The following SLA2 variants were observed in gnomAD, a reference collection of about 807,000 sequenced individuals.
The protein encoded by SLA2 is Src like adaptor 2.
In SLA2, 22 loss-of-function variants were observed where a neutral mutation model predicts 27.3. The ratio of observed to expected loss-of-function variants is 0.81; its 90% CI spans 0.58 to 1.15. SLA2 has a LOEUF of 1.15. Ranked by LOEUF, SLA2 falls within the 50% of genes most tolerant of loss-of-function variation. The pLI, the probability that SLA2 is intolerant of heterozygous loss-of-function variation, is 0.00. For missense variants in SLA2, 304 were observed against 322.2 expected (o/e 0.94, Z 0.43); for synonymous variants, 131 against 137.8 (o/e 0.95, Z 0.34).
In SLA2 at chr20:36,632,611, C is replaced by G; in HGVS notation, c.366G>C (p.Glu122Asp). The G allele has an allele frequency of 1.9e-6, 3 of 1,614,112 alleles. No individual in the cohort carries two copies. Among genetic ancestry groups the G allele is most frequent in the Non-Finnish European group, 2.5e-6 (3 of 1,179,940 alleles). ...GNPGGAFLIRESQTRRGSYSL... is the reference protein window; with the variant it reads ...GNPGGAFLIRDSQTRRGSYSL... Reference sequence around the variant, plus strand: ...CTTACTCACCTCTCCTGGTCTGGCTCTCCCGGATGAGGAAGGCCCCTCCAG... The same window carrying G: ...CTTACTCACCTCTCCTGGTCTGGCTGTCCCGGATGAGGAAGGCCCCTCCAG... Residue 122 changes from glutamate to aspartate, a missense_variant, in exon 5 of 8, where the codon GAG becomes GAC. Glu to Asp is a conservative substitution (Grantham distance 45, BLOSUM62 2). Transcript: ENST00000262866.
rs765890083 is a variant in SLA2 at position 36,615,259 on chromosome 20, G to A, written c.498C>T (p.Phe166=). The A allele has an allele frequency of 2.5e-6, 4 of 1,614,062 alleles. No individual in the cohort carries two copies. In the African/African-American group the frequency reaches 4.0e-5, roughly 16 times the overall value. Residue 166 remains phenylalanine (F), a synonymous_variant, in exon 6 of 8, where the codon TTC becomes TTT. Transcript: ENST00000262866. ...GWLYISPRLT[F]PSLQALVDHY... ...GGTCCACCAGGGCCTGGAGTGAGGG[G>A]AAGGTGAGGCGCGGTGAGATGTACA...
In SLA2 at chr20:36,633,569, G is replaced by C; in HGVS notation, c.252C>G (p.Ser84Arg). 1 of 1,614,128 alleles carries C rather than the reference G, an allele frequency of 6.2e-7. No individual in the cohort carries two copies. ...CATGGGAGACTTTGGCCACGTGGAC[G>C]CTGGGGATGTTATACTCTCTGCCTG... ...EVSGREYNIP[S>R]VHVAKVSHGW... is the part of the protein sequence containing the mutation. The change falls in exon 4 of 8, where the codon AGC (serine) becomes AGG (arginine). Residue 84 changes from serine to arginine, a missense_variant. By Grantham distance (110) the Ser-to-Arg change is moderately radical. Coordinates refer to ENST00000262866, the MANE Select transcript of SLA2 (RefSeq NM_032214.4).
intron 2 of SLA2, among the ~76,000 whole-genome samples, chr20:36,639,396 TACACACACACAC>T (rs72401143): frequency 6.8e-6 from 1 of 146,742 alleles, no homozygotes; most frequent in South Asian, 2.2e-4. Context: ...AAAAAATCTC[TACACACACACAC>T]ACACACACAC....
chr20:36,621,158 G>A (rs979077226), intron 5 of SLA2: 3 of 440,640 alleles, frequency 6.8e-6, no homozygotes, highest in Admixed American at 2.4e-5. Context: ...TGCTGTGGTG[G>A]TGGAGCAAGA....
intron 5 of SLA2, among the ~76,000 whole-genome samples, chr20:36,626,664 G>A (rs987829653): frequency 6.6e-6 from 1 of 151,646 alleles, no homozygotes; most frequent in Admixed American, 6.6e-5. Flanking sequence ...TGGCTAACAT[G>A]GTGAAACCCC....
Position 36,641,345 on chromosome 20 carries a change from G to A in SLA2, c.-10C>T, listed in dbSNP as rs1299205012. On this transcript the variant is annotated 5_prime_UTR_variant, in exon 2 of 8. Coordinates refer to ENST00000262866, the MANE Select transcript of SLA2 (RefSeq NM_032214.4). ...TGGGCAGACTTCCCATTGTTCCTCA[G>A]CAGAGCACTCAGAAGCACATCATCG... The A allele has an allele frequency of 1.2e-6, 2 of 1,612,138 alleles. No individual in the cohort carries two copies. Among genetic ancestry groups the A allele is most frequent in the Admixed American group, 3.3e-5 (2 of 60,010 alleles).
chr20:36,645,324 G>A (rs749375446), intron 1 of SLA2, among the ~76,000 whole-genome samples: 7 of 151,598 alleles, frequency 4.6e-5, no homozygotes, highest in Non-Finnish European at 1.0e-4. Context: ...TCATAATTAC[G>A]CCGCTGCACT....
chr20:36,614,368 C>A lies in SLA2; in HGVS notation c.602G>T (p.Gly201Val), dbSNP rs1341768016. The change falls in exon 7 of 8, where the codon GGC becomes GTC. Residue 201 changes from glycine to valine, a missense_variant. By Grantham distance (109) the Gly-to-Val change is moderately radical. Coordinates refer to ENST00000262866, the MANE Select transcript of SLA2 (RefSeq NM_032214.4). The stretch of plus-strand genomic sequence containing the variant: ...AGTCACAGGTAGGGGTATATCCTTG[C>A]CAGGGAGCGGGCCAGCCCTCTGCAG... ...CVLQRAGPLPGKDIPLPVTVQ... is the reference protein window; with the variant it reads ...CVLQRAGPLPVKDIPLPVTVQ... 6.2e-7 allele frequency: 1 copy of A among 1,614,148 alleles called. No individual in the cohort carries two copies. The highest frequency in any genetic ancestry group is 2.2e-5 in the East Asian group (1 of 44,882).
At chr20:36,616,730 C>T (rs549248905) in intron 5 of SLA2, among the ~76,000 whole-genome samples, 1 of 152,202 alleles carries the variant, frequency 6.6e-6, no homozygotes, top group Non-Finnish European at 1.5e-5. Context: ...GTCCTCTTGC[C>T]TCAGCCTCCT....
In SLA2 at chr20:36,613,725, G is replaced by T; in HGVS notation, c.*141C>A. The T allele has an allele frequency of 9.9e-7, 1 of 1,012,928 alleles. No individual in the cohort carries two copies. Among genetic ancestry groups the T allele is most frequent in the Non-Finnish European group, 1.4e-6 (1 of 701,416 alleles). The allele number at this position is 1,012,928 out of a possible 1,614,324, so 62.7% of individuals were successfully genotyped here. A position where few individuals can be genotyped will look rare whatever the true frequency, so the allele number is the denominator to read the frequency against. On this transcript the variant is annotated 3_prime_UTR_variant, in exon 8 of 8. Coordinates refer to ENST00000262866, the MANE Select transcript of SLA2 (RefSeq NM_032214.4). Reference sequence around the variant, plus strand: ...AAGGGCTAAGAGAGGAAAGAGCAAGGGTACAGGTGGGACCCTAGATGCACC... The same window carrying T: ...AAGGGCTAAGAGAGGAAAGAGCAAGTGTACAGGTGGGACCCTAGATGCACC...
intron 5 of SLA2, among the ~76,000 whole-genome samples, chr20:36,628,313 T>C (rs2039359821): frequency 6.6e-6 from 1 of 152,154 alleles, no homozygotes; most frequent in Admixed American, 6.5e-5. Context: ...ACACACCTTA[T>C]ACAAAATCTG....
chr20:36,640,905 C>T (rs1049940793), intron 2 of SLA2, among the ~76,000 whole-genome samples: 1 of 152,112 alleles, frequency 6.6e-6, no homozygotes, highest in Non-Finnish European at 1.5e-5. Context: ...GGAGGTGGGG[C>T]TGGCCAGCTC....
intron 5 of SLA2, among the ~76,000 whole-genome samples, chr20:36,623,161 C>T (rs1185644561): frequency 1.3e-5 from 2 of 151,246 alleles, no homozygotes; most frequent in African/African-American, 4.9e-5. Context: ...CTCAGGTACT[C>T]CAGAGGCTGA....
At chr20:36,642,539 G>A (rs1249190880) in intron 1 of SLA2, among the ~76,000 whole-genome samples, 5 of 151,992 alleles carry the variant, frequency 3.3e-5, no homozygotes, top group African/African-American at 1.2e-4. Context: ...AAGTAGCTGG[G>A]ATTACAGACA....
chr20:36,622,363 A>C (rs1181449331), intron 5 of SLA2, among the ~76,000 whole-genome samples: 1 of 151,708 alleles, frequency 6.6e-6, no homozygotes, highest in East Asian at 1.9e-4. Flanking sequence ...CTCAAAAAAA[A>C]AAAACAAAAA....
chr20:36,615,195 C>G, intron 6 of SLA2, 30 bp downstream of exon 6: 8 of 1,613,836 alleles, frequency 5.0e-6, no homozygotes, highest in Non-Finnish European at 6.8e-6. Context: ...ACTATCCCAG[C>G]CTAGTCCTGG....
At chr20:36,626,919 T>C (rs1321229329) in intron 5 of SLA2, among the ~76,000 whole-genome samples, 2 of 150,840 alleles carry the variant, frequency 1.3e-5, no homozygotes, top group East Asian at 1.9e-4. Context: ...CAAGATGCTA[T>C]GGGAGTTGAG....
Position 36,615,239 on chromosome 20 carries a change from A to G in SLA2, c.518T>C (p.Val173Ala). Reference sequence around the variant, plus strand: ...AAAGGCCATACCAGAGTAATGGTCCACCAGGGCCTGGAGTGAGGGGAAGGT... The same window carrying G: ...AAAGGCCATACCAGAGTAATGGTCCGCCAGGGCCTGGAGTGAGGGGAAGGT... The part of the protein sequence containing the change: ...RLTFPSLQAL[V>A]DHYSELADDI... The change falls in exon 6 of 8, where the codon GTG becomes GCG. Residue 173 changes from valine to alanine, a missense_variant. Val to Ala is a moderately conservative substitution (Grantham distance 64). Coordinates refer to ENST00000262866, the MANE Select transcript of SLA2 (RefSeq NM_032214.4). The G allele has an allele frequency of 6.2e-7, 1 of 1,614,152 alleles. No homozygotes were observed. The highest frequency in any genetic ancestry group is 8.5e-7 in the Non-Finnish European group (1 of 1,180,032).
At chr20:36,638,616 A>G (rs1426836780) in intron 2 of SLA2, among the ~76,000 whole-genome samples, 1 of 152,152 alleles carries the variant, frequency 6.6e-6, no homozygotes, top group South Asian at 2.1e-4. Flanking sequence ...GGCATGAGCC[A>G]CCGCCCCTAG....
Sources: allele counts gnomAD v4.1 joint callset (sites outside exome capture counted in the v4.1 genomes callset), GRCh38; gene constraint gnomAD v4.1.1; transcripts MANE v1.5; gene names NCBI Gene and HGNC (gene_info 2026-07-23, HGNC 2026-07-21).